The following FOXQ1 variants were observed in gnomAD, a reference collection of about 807,000 sequenced individuals.
The protein encoded by FOXQ1 is forkhead box Q1.
A neutral mutation model predicts 0.6 loss-of-function variants in FOXQ1; 1 was observed. The ratio of observed to expected loss-of-function variants is 1.73; its 90% CI spans 0.61 to 8.20. The LOEUF (loss-of-function observed/expected upper bound fraction) is 8.20. Ranked by LOEUF, FOXQ1 falls within the 30% of genes most tolerant of loss-of-function variation. The pLI is 0.13. For missense variants in FOXQ1, 734 were observed against 595.6 expected, an observed-to-expected ratio of 1.23 and a Z score of -2.42; for synonymous variants, 377 against 294.4, an observed-to-expected ratio of 1.28 and a Z score of -2.87.
Position 1,313,726 on chromosome 6 carries a change from T to G in FOXQ1, c.1022T>G (p.Val341Gly), listed in dbSNP as rs1188270102. 2 of 1,139,320 alleles carry G rather than the reference T, an allele frequency of 1.8e-6. No homozygotes were observed. The highest frequency in any genetic ancestry group is 1.7e-5 in the African/African-American group (1 of 60,424). The allele number at this position is 1,139,320 out of a possible 1,614,324, so 70.6% of individuals were successfully genotyped here. Residue 341 changes from valine (V) to glycine (G), a missense_variant, in exon 1 of 1, where the codon GTG (valine) becomes GGG (glycine). Val to Gly is a moderately radical substitution (Grantham distance 109). Transcript: ENST00000296839. The surrounding 1 kb of genome is among the most constrained non-coding windows in gnomAD (Gnocchi z 5.2). ...CGGCTGGGCGCGCGCGAGGCCGAGGTGCCACCGACCGCGCCGCCCCTCCTG... is the reference window on the plus strand; with the variant it reads ...CGGCTGGGCGCGCGCGAGGCCGAGGGGCCACCGACCGCGCCGCCCCTCCTG... ...PARLGAREAEVPPTAPPLLLA... is the reference protein window; with the variant it reads ...PARLGAREAEGPPTAPPLLLA...
rs772729292 is a variant in FOXQ1, at chr6:1,313,378, C to T, written c.674C>T (p.Pro225Leu). The T allele has an allele frequency of 6.9e-7, 1 of 1,439,672 alleles. No homozygotes were observed. The highest frequency in any genetic ancestry group is 1.4e-5 in the South Asian group (1 of 73,142). The allele number at this position is 1,439,672 out of a possible 1,614,324, so 89.2% of individuals were successfully genotyped here. Residue 225 changes from proline to leucine, a missense_variant, in exon 1 of 1, where the codon CCC becomes CTC. Physicochemically the swap from Pro to Leu is moderately conservative, Grantham distance 98. Transcript: ENST00000296839. The surrounding 1 kb of genome is among the most constrained non-coding windows in gnomAD (Gnocchi z 5.2). ...RLSHRAPVPA[P>L]GLRPEEAPGL... The stretch of plus-strand genomic sequence containing the variant: ...AGCCACCGCGCGCCGGTCCCCGCGC[C>T]CGGGCTGCGGCCCGAGGAGGCCCCG...
rs1033904270 is a variant in FOXQ1, at chr6:1,312,165, G to A, written c.-540G>A. Among the ~76,000 whole-genome samples the A allele has an allele frequency of 6.6e-6, 1 of 152,224 alleles. No individual in the cohort carries two copies. Among genetic ancestry groups the A allele is most frequent in the East Asian group, 1.9e-4 (1 of 5,168 alleles). ...AGGCTGGGAGCGGGAAGGCGGCTGC[G>A]GGCGCAGCGGCCTCGGGGACTCGCC... is the stretch of plus-strand genomic sequence containing the variant. On this transcript the variant is annotated 5_prime_UTR_variant, in exon 1 of 1. Coordinates refer to ENST00000296839, the MANE Select transcript of FOXQ1 (RefSeq NM_033260.4).
rs1461332313 is a variant in FOXQ1, at chr6:1,314,493, T to A, written c.*577T>A. 1 of 166,928 alleles carries A rather than the reference T, an allele frequency of 6.0e-6. No homozygotes were observed. Among genetic ancestry groups the A allele is most frequent in the East Asian group, 1.9e-4 (1 of 5,206 alleles). 10.3% of individuals were successfully genotyped at this position (166,928 alleles called of 1,614,324 possible). A position where few individuals can be genotyped will look rare whatever the true frequency, so the allele number is the denominator to read the frequency against. ...TGTAATTAAATTATTTATATATTTT[T>A]GAAACCCGAATTGAAAATGTTGCAG... On this transcript the variant is annotated 3_prime_UTR_variant, in exon 1 of 1. Transcript: ENST00000296839.
rs1457685871 is a variant in FOXQ1, at chr6:1,313,421, G to GCCGCCCCT, written c.723_724insCTCCGCCC (p.Ala242LeufsTer164). The GCCGCCCCT allele has an allele frequency of 2.0e-6, 2 of 1,001,900 alleles. No homozygotes were observed. Among genetic ancestry groups the GCCGCCCCT allele is most frequent in the Non-Finnish European group, 2.4e-6 (2 of 843,330 alleles). The allele number at this position is 1,001,900 out of a possible 1,614,324, so 62.1% of individuals were successfully genotyped here. A position where few individuals can be genotyped will look rare whatever the true frequency, so the allele number is the denominator to read the frequency against. On this transcript the variant is annotated frameshift_variant, in exon 1 of 1. Transcript: ENST00000296839. LOFTEE classifies it low-confidence loss of function (END_TRUNC). The surrounding 1 kb of genome is among the most constrained non-coding windows in gnomAD (Gnocchi z 5.2). ...AGGCCCCGGGCCTCCCCGCCGCCCC[G>GCCGCCCCT]CCGCCCGCGCCCGCCGCCCCGGCCT... is the stretch of plus-strand genomic sequence containing the variant.
At position 1,313,176 on chromosome 6, in the gene FOXQ1, G is replaced by T; in HGVS notation, c.472G>T (p.Gly158Cys). Residue 158 changes from glycine to cysteine, a missense_variant, in exon 1 of 1, where the codon GGC (glycine) becomes TGC (cysteine). Transcript: ENST00000296839. This position sits in a 1 kb window ranked among gnomAD's most constrained non-coding sequence, Gnocchi z 5.2. ...YLMGKFPFFRGSYTGWRNSVR... is the reference protein window; with the variant it reads ...YLMGKFPFFRCSYTGWRNSVR... ...CATGGGCAAGTTCCCCTTTTTCCGC[G>T]GCAGCTACACGGGCTGGCGCAACTC... The T allele has an allele frequency of 1.2e-6, 2 of 1,610,356 alleles. No homozygotes were observed. Among genetic ancestry groups the T allele is most frequent in the Non-Finnish European group, 1.7e-6 (2 of 1,178,872 alleles).
rs969843697 is a variant in FOXQ1, at chr6:1,313,328, C to G, written c.624C>G (p.Val208=). Residue 208 remains valine, a synonymous_variant, in exon 1 of 1, where the codon GTC becomes GTG. Transcript: ENST00000296839. The surrounding 1 kb of genome is among the most constrained non-coding windows in gnomAD (Gnocchi z 5.2). The part of the protein sequence containing the change: ...PNSEYTFADG[V]FRRRRKRLSH... ...GCGAGTACACCTTCGCCGACGGGGT[C>G]TTCCGCCGCCGCCGCAAGCGCCTCA... The G allele has an allele frequency of 7.0e-6, 11 of 1,570,828 alleles. No individual in the cohort carries two copies. Among genetic ancestry groups the G allele is most frequent in the Non-Finnish European group, 9.5e-6 (11 of 1,160,684 alleles).
chr6:1,313,247 G>T lies in FOXQ1; in HGVS notation c.543G>T (p.Leu181=). The T allele has an allele frequency of 6.2e-7, 1 of 1,610,308 alleles. No individual in the cohort carries two copies. Among genetic ancestry groups the T allele is most frequent in the Non-Finnish European group, 8.5e-7 (1 of 1,178,844 alleles). ...TCAACGACTGCTTCGTCAAGGTGCT[G>T]CGCGACCCCTCGCGGCCCTGGGGCA... ...LSLNDCFVKV[L]RDPSRPWGKD... The change falls in exon 1 of 1, where the codon CTG becomes CTT. Residue 181 remains leucine, a synonymous_variant. Transcript: ENST00000296839. The surrounding 1 kb of genome is among the most constrained non-coding windows in gnomAD (Gnocchi z 5.2).
rs763857496 is a variant in FOXQ1 at position 1,313,186 on chromosome 6, C to T, written c.482C>T (p.Thr161Met). 1.7e-5 allele frequency: 28 copies of T among 1,610,000 alleles called. No homozygotes were observed. The highest frequency in any genetic ancestry group is 2.3e-5 in the Non-Finnish European group (27 of 1,178,668). ...GKFPFFRGSY[T>M]GWRNSVRHNL... ...TTCCCCTTTTTCCGCGGCAGCTACA[C>T]GGGCTGGCGCAACTCCGTGCGCCAC... Residue 161 changes from threonine to methionine, a missense_variant, in exon 1 of 1, where the codon ACG becomes ATG. Physicochemically the swap from Thr to Met is moderately conservative, Grantham distance 81. Coordinates refer to ENST00000296839, the MANE Select transcript of FOXQ1 (RefSeq NM_033260.4). The surrounding 1 kb of genome is among the most constrained non-coding windows in gnomAD (Gnocchi z 5.2).
In FOXQ1 at chr6:1,313,626, T is replaced by G; in HGVS notation, c.922T>G (p.Phe308Val). 3 of 1,093,720 alleles carry G rather than the reference T, an allele frequency of 2.7e-6. No individual in the cohort carries two copies. The highest frequency in any genetic ancestry group is 2.7e-5 in the South Asian group (1 of 36,922). The allele number at this position is 1,093,720 out of a possible 1,614,324, so 67.8% of individuals were successfully genotyped here. A position where few individuals can be genotyped will look rare whatever the true frequency, so the allele number is the denominator to read the frequency against. Residue 308 changes from phenylalanine to valine, a missense_variant, in exon 1 of 1, where the codon TTC becomes GTC. By Grantham distance (50) the Phe-to-Val change is conservative. Coordinates refer to ENST00000296839, the MANE Select transcript of FOXQ1 (RefSeq NM_033260.4). The surrounding 1 kb of genome is among the most constrained non-coding windows in gnomAD (Gnocchi z 5.2). ...GAAPCPPLPA[F>V]PALLPAAPCR... Reference sequence around the variant, plus strand: ...CGCGCCCTGCCCGCCGCTGCCCGCGTTCCCCGCGCTCCTCCCCGCGGCGCC... The same window carrying G: ...CGCGCCCTGCCCGCCGCTGCCCGCGGTCCCCGCGCTCCTCCCCGCGGCGCC...
In FOXQ1 at chr6:1,314,064, CAGG is replaced by C; in HGVS notation, c.*151_*153del. On this transcript the variant is annotated 3_prime_UTR_variant, in exon 1 of 1. Coordinates refer to ENST00000296839, the MANE Select transcript of FOXQ1 (RefSeq NM_033260.4). ...GTGCCTTAAAGCTAAAGCATTTTGA[CAGG>C]AGTATTTAAACTTAGTCCAGGATAT... 3 of 1,069,036 alleles carry C rather than the reference CAGG, an allele frequency of 2.8e-6. No homozygotes were observed. Among genetic ancestry groups the C allele is most frequent in the Non-Finnish European group, 3.6e-6 (3 of 834,610 alleles). 66.2% of individuals were successfully genotyped at this position (1,069,036 alleles called of 1,614,324 possible).
Position 1,313,076 on chromosome 6 carries a change from C to T in FOXQ1, c.372C>T (p.Tyr124=). The change falls in exon 1 of 1, where the codon TAC becomes TAT. Residue 124 remains tyrosine, a synonymous_variant. Coordinates refer to ENST00000296839, the MANE Select transcript of FOXQ1 (RefSeq NM_033260.4). The surrounding 1 kb of genome is among the most constrained non-coding windows in gnomAD (Gnocchi z 5.2). ...GGCGGCCCAAGCCCCCCTACTCGTA[C>T]ATCGCGCTCATCGCCATGGCCATCC... ...YTRRPKPPYS[Y]IALIAMAIRD... is the part of the protein sequence containing the mutation. 1 of 1,605,388 alleles carries T rather than the reference C, an allele frequency of 6.2e-7. No individual in the cohort carries two copies. The highest frequency in any genetic ancestry group is 8.5e-7 in the Non-Finnish European group (1 of 1,176,176).
In FOXQ1 at chr6:1,313,270, G is replaced by T; in HGVS notation, c.566G>T (p.Gly189Val). 1 of 1,610,258 alleles carries T rather than the reference G, an allele frequency of 6.2e-7. No individual in the cohort carries two copies. Among genetic ancestry groups the T allele is most frequent in the South Asian group, 1.1e-5 (1 of 91,004 alleles). The stretch of plus-strand genomic sequence containing the variant: ...CTGCGCGACCCCTCGCGGCCCTGGG[G>T]CAAGGACAACTACTGGATGCTCAAC... ...KVLRDPSRPW[G>V]KDNYWMLNPN... Residue 189 changes from glycine (G) to valine (V), a missense_variant, in exon 1 of 1, where the codon GGC becomes GTC. Transcript: ENST00000296839. The surrounding 1 kb of genome is among the most constrained non-coding windows in gnomAD (Gnocchi z 5.2).
Position 1,313,449 on chromosome 6 carries a change from C to T in FOXQ1, c.745C>T (p.Pro249Ser), listed in dbSNP as rs1561761668. The T allele has an allele frequency of 2.9e-6, 3 of 1,036,544 alleles. No individual in the cohort carries two copies. The East Asian group carries it at 2.7e-4, about 95-fold the overall frequency. 64.2% of individuals were successfully genotyped at this position (1,036,544 alleles called of 1,614,324 possible). A position where few individuals can be genotyped will look rare whatever the true frequency, so the allele number is the denominator to read the frequency against. Residue 249 changes from proline to serine, a missense_variant, in exon 1 of 1, where the codon CCC becomes TCC. Coordinates refer to ENST00000296839, the MANE Select transcript of FOXQ1 (RefSeq NM_033260.4). The surrounding 1 kb of genome is among the most constrained non-coding windows in gnomAD (Gnocchi z 5.2). Reference sequence around the variant, plus strand: ...GCCCGCGCCCGCCGCCCCGGCCTCGCCCCGCATGCGCTCGCCCGCCCGCCA... The same window carrying T: ...GCCCGCGCCCGCCGCCCCGGCCTCGTCCCGCATGCGCTCGCCCGCCCGCCA... ...PPPAPAAPASPRMRSPARQEE... is the reference protein window; with the variant it reads ...PPPAPAAPASSRMRSPARQEE...
In FOXQ1 at chr6:1,313,623, G is replaced by A. The variant is rs1757589611; in HGVS notation, c.919G>A (p.Ala307Thr). The change falls in exon 1 of 1, where the codon GCG (alanine) becomes ACG (threonine). Residue 307 changes from alanine (A) to threonine (T), a missense_variant. Coordinates refer to ENST00000296839, the MANE Select transcript of FOXQ1 (RefSeq NM_033260.4). The surrounding 1 kb of genome is among the most constrained non-coding windows in gnomAD (Gnocchi z 5.2). ...WGAAPCPPLP[A>T]FPALLPAAPC... ...CGCCGCGCCCTGCCCGCCGCTGCCC[G>A]CGTTCCCCGCGCTCCTCCCCGCGGC... The A allele has an allele frequency of 5.5e-6, 6 of 1,100,754 alleles. No individual in the cohort carries two copies. Among genetic ancestry groups the A allele is most frequent in the South Asian group, 5.3e-5 (2 of 37,392 alleles). The allele number at this position is 1,100,754 out of a possible 1,614,324, so 68.2% of individuals were successfully genotyped here. A position where few individuals can be genotyped will look rare whatever the true frequency, so the allele number is the denominator to read the frequency against.
rs1289782952 is a variant in FOXQ1, at chr6:1,313,467, G to A, written c.763G>A (p.Ala255Thr). 9.2e-6 allele frequency: 10 copies of A among 1,081,374 alleles called. No homozygotes were observed. The highest frequency in any genetic ancestry group is 1.0e-5 in the Non-Finnish European group (9 of 889,842). The allele number at this position is 1,081,374 out of a possible 1,614,324, so 67.0% of individuals were successfully genotyped here. Reference sequence around the variant, plus strand: ...GGCCTCGCCCCGCATGCGCTCGCCCGCCCGCCAGGAGGAGCGCGCCAGCCC... The same window carrying A: ...GGCCTCGCCCCGCATGCGCTCGCCCACCCGCCAGGAGGAGCGCGCCAGCCC... ...APASPRMRSPARQEERASPAG... is the reference protein window; with the variant it reads ...APASPRMRSPTRQEERASPAG... Residue 255 changes from alanine to threonine, a missense_variant, in exon 1 of 1, where the codon GCC becomes ACC. Ala to Thr is a moderately conservative substitution (Grantham distance 58). Coordinates refer to ENST00000296839, the MANE Select transcript of FOXQ1 (RefSeq NM_033260.4). The surrounding 1 kb of genome is among the most constrained non-coding windows in gnomAD (Gnocchi z 5.2).
Position 1,312,399 on chromosome 6 carries a change from G to A in FOXQ1, c.-306G>A, listed in dbSNP as rs1387753636. On this transcript the variant is annotated 5_prime_UTR_variant, in exon 1 of 1. Coordinates refer to ENST00000296839, the MANE Select transcript of FOXQ1 (RefSeq NM_033260.4). The stretch of plus-strand genomic sequence containing the variant: ...CTAAGCCCGGCGTGCTCGGGCACCC[G>A]AGGGTGGAACCGCGGCCCCTGCACA... The A allele has an allele frequency of 1.7e-5, 5 of 297,500 alleles. No individual in the cohort carries two copies. Among genetic ancestry groups the A allele is most frequent in the East Asian group, 5.3e-5 (1 of 18,778 alleles). The allele number at this position is 297,500 out of a possible 1,614,324, so 18.4% of individuals were successfully genotyped here. A position where few individuals can be genotyped will look rare whatever the true frequency, so the allele number is the denominator to read the frequency against.
At position 1,313,713 on chromosome 6, in the gene FOXQ1, C is replaced by G. The variant is rs1432496357; in HGVS notation, c.1009C>G (p.Arg337Gly). 10 of 1,085,324 alleles carry G rather than the reference C, an allele frequency of 9.2e-6. No individual in the cohort carries two copies. In the East Asian group the frequency reaches 5.2e-4, roughly 56 times the overall value. 67.2% of individuals were successfully genotyped at this position (1,085,324 alleles called of 1,614,324 possible). A position where few individuals can be genotyped will look rare whatever the true frequency, so the allele number is the denominator to read the frequency against. ...GAGEPARLGA[R>G]EAEVPPTAPP... The stretch of plus-strand genomic sequence containing the variant: ...GGGCGAGCCGGCGCGGCTGGGCGCG[C>G]GCGAGGCCGAGGTGCCACCGACCGC... Residue 337 changes from arginine to glycine, a missense_variant, in exon 1 of 1, where the codon CGC (arginine) becomes GGC (glycine). By Grantham distance (125) the Arg-to-Gly change is moderately radical. Coordinates refer to ENST00000296839, the MANE Select transcript of FOXQ1 (RefSeq NM_033260.4). This position sits in a 1 kb window ranked among gnomAD's most constrained non-coding sequence, Gnocchi z 5.2.
In FOXQ1 at chr6:1,312,939, C is replaced by G; in HGVS notation, c.235C>G (p.Pro79Ala). 1.6e-6 allele frequency: 2 copies of G among 1,272,774 alleles called. No homozygotes were observed. Among genetic ancestry groups the G allele is most frequent in the African/African-American group, 1.6e-5 (1 of 64,194 alleles). 78.8% of individuals were successfully genotyped at this position (1,272,774 alleles called of 1,614,324 possible). ...GGGPGAEEAI[P>A]AAAAAAVVAE... The stretch of plus-strand genomic sequence containing the variant: ...CGGGCCGGGCGCGGAGGAGGCGATC[C>G]CGGCAGCAGCTGCTGCAGCGGTGGT... Residue 79 changes from proline (P) to alanine (A), a missense_variant, in exon 1 of 1, where the codon CCG (proline) becomes GCG (alanine). Transcript: ENST00000296839.
rs1461252978 is a variant in FOXQ1 at position 1,312,755 on chromosome 6, C to T, written c.51C>T (p.Gly17=). 3.7e-6 allele frequency: 5 copies of T among 1,343,800 alleles called. No homozygotes were observed. Among genetic ancestry groups the T allele is most frequent in the Non-Finnish European group, 4.8e-6 (5 of 1,051,578 alleles). The allele number at this position is 1,343,800 out of a possible 1,614,324, so 83.2% of individuals were successfully genotyped here. Residue 17 remains glycine (G), a synonymous_variant, in exon 1 of 1, where the codon GGC becomes GGT. Coordinates refer to ENST00000296839, the MANE Select transcript of FOXQ1 (RefSeq NM_033260.4). Reference sequence around the variant, plus strand: ...GCGCGGCCCACGGGGACAAGCAGGGCAGTGACCTGGAGGGCGCGGGCGGCA... The same window carrying T: ...GCGCGGCCCACGGGGACAAGCAGGGTAGTGACCTGGAGGGCGCGGGCGGCA... The part of the protein sequence containing the change: ...VPRAAHGDKQ[G]SDLEGAGGSD...
Sources: gnomAD v4.1 joint callset for allele counts (sites outside exome capture counted in the v4.1 genomes callset) on GRCh38, gnomAD v4.1.1 for gene constraint, Gnocchi (gnomAD v3.1) non-coding constraint, MANE v1.5 for transcripts, NCBI Gene and HGNC (gene_info 2026-07-23, HGNC 2026-07-21) for gene names.